Variants in RASIP1 observed in about 807,000 individuals in gnomAD.
The protein encoded by RASIP1 is ras-interacting protein 1.
A neutral mutation model predicts 85.3 loss-of-function variants in RASIP1; 20 were observed. The ratio of observed to expected loss-of-function variants is 0.23; its 90% CI spans 0.17 to 0.34. RASIP1 has a LOEUF of 0.34. Among genes scored for constraint, RASIP1 ranks in the 10% least tolerant of loss-of-function variants. The probability of loss-of-function intolerance (pLI) is 1.00; values close to 1 mark genes in which losing one functional copy is unlikely to be tolerated. For missense variants in RASIP1, 1,170 were observed against 1,390.9 expected (o/e 0.84, Z 2.53); for synonymous variants, 617 against 647.1 (o/e 0.95, Z 0.71).
rs2033628240 is a variant in RASIP1, at chr19:48,739,309, G to T, written c.474C>A (p.Gly158=). Residue 158 remains glycine, a synonymous_variant, in exon 3 of 12, where the codon GGC becomes GGA. Coordinates refer to ENST00000222145, the MANE Select transcript of RASIP1 (RefSeq NM_017805.3). This position sits in a 1 kb window ranked among gnomAD's most constrained non-coding sequence, Gnocchi z 9.2. ...LKIFGAGLAS[G]ANYKSVLATA... is the part of the protein sequence containing the mutation. ...TGGCCAGCACGCTCTTGTAGTTGGCGCCCGATGCCAGTCCGGCGCCGAAGA... is the reference window on the plus strand; with the variant it reads ...TGGCCAGCACGCTCTTGTAGTTGGCTCCCGATGCCAGTCCGGCGCCGAAGA... 2 of 1,398,010 alleles carry T rather than the reference G, an allele frequency of 1.4e-6. No individual in the cohort carries two copies. The highest frequency in any genetic ancestry group is 3.5e-5 in the Admixed American group (1 of 28,568). The allele number at this position is 1,398,010 out of a possible 1,614,324, so 86.6% of individuals were successfully genotyped here.
intron 11 of RASIP1, among the ~76,000 whole-genome samples, chr19:48,721,615 AC>A (rs2122409985): frequency 6.6e-6 from 1 of 152,292 alleles, no homozygotes; most frequent in South Asian, 2.1e-4. Flanking sequence ...AGCCTGGCCA[AC>A]ACGGTGAAAC....
At chr19:48,723,682 A>G (rs1322224668) in intron 10 of RASIP1, among the ~76,000 whole-genome samples, 1 of 152,110 alleles carries the variant, frequency 6.6e-6, no homozygotes, top group Admixed American at 6.6e-5. Flanking sequence ...GCATTAAACT[A>G]GAAGTGCTAA....
At chr19:48,728,503 CA>C (rs2033381866) in intron 5 of RASIP1, among the ~76,000 whole-genome samples, 1 of 152,176 alleles carries the variant, frequency 6.6e-6, no homozygotes, top group African/African-American at 2.4e-5. Flanking sequence ...TGGTGGCTCA[CA>C]CCTGTAATCC....
intron 4 of RASIP1, among the ~76,000 whole-genome samples, chr19:48,732,716 C>G (rs988514500): frequency 1.3e-5 from 2 of 152,118 alleles, no homozygotes; most frequent in African/African-American, 4.8e-5. Flanking sequence ...TATATGCAAT[C>G]CTCTTACTAC....
chr19:48,722,933 T>C (rs945310117), intron 10 of RASIP1, among the ~76,000 whole-genome samples: 1 of 152,234 alleles, frequency 6.6e-6, no homozygotes, highest in African/African-American at 2.4e-5. Context: ...TCACCCATGC[T>C]GGAGTACAGT....
At chr19:48,729,995 G>A (rs1247724150) in intron 4 of RASIP1, among the ~76,000 whole-genome samples, 2 of 151,974 alleles carry the variant, frequency 1.3e-5, no homozygotes, top group Admixed American at 6.6e-5. Flanking sequence ...GATTACAGGC[G>A]TGAACTATCG....
At chr19:48,737,649 C>A in intron 3 of RASIP1, 14 of 985,372 alleles carry the variant, frequency 1.4e-5, no homozygotes, top group Non-Finnish European at 1.6e-5. Flanking sequence ...GGTGTCGCCC[C>A]CTTCTATACT....
At chr19:48,722,110 T>TCTACAGTGCCCAGAAGACA in intron 10 of RASIP1, 109 bp from the exon 11 acceptor site, 1 of 1,095,070 alleles carries the variant, frequency 9.1e-7, no homozygotes, top group Non-Finnish European at 1.2e-6. Flanking sequence ...TAATGGCATC[T>TCTACAGTGCCCAGAAGACA]CTGCAGTGTC....
At chr19:48,726,412 GA>G (rs2033344245) in intron 8 of RASIP1, among the ~76,000 whole-genome samples, 1 of 152,110 alleles carries the variant, frequency 6.6e-6, no homozygotes, top group African/African-American at 2.4e-5. Flanking sequence ...TTTTAGTAGA[GA>G]TGGGGTTTCA....
intron 8 of RASIP1, among the ~76,000 whole-genome samples, chr19:48,726,221 G>A (rs1239634980): frequency 2.6e-5 from 4 of 151,932 alleles, no homozygotes; most frequent in African/African-American, 4.8e-5. Flanking sequence ...CACTGCATCC[G>A]GCGTTATATT....
chr19:48,724,260 G>T lies in RASIP1; in HGVS notation c.2544+77C>A. Reference sequence around the variant, plus strand: ...GGGGTTCAAGGGGAGCTCTGACGGTGAGCTGAATATAGAAGGTGGCTGAGG... The same window carrying T: ...GGGGTTCAAGGGGAGCTCTGACGGTTAGCTGAATATAGAAGGTGGCTGAGG... On this transcript the variant is annotated intron_variant, in intron 10 of 11. Transcript: ENST00000222145. The surrounding 1 kb of genome is among the most constrained non-coding windows in gnomAD (Gnocchi z 4.6). The T allele has an allele frequency of 1.4e-6, 2 of 1,478,640 alleles. No homozygotes were observed. The highest frequency in any genetic ancestry group is 1.8e-6 in the Non-Finnish European group (2 of 1,083,864). The allele number at this position is 1,478,640 out of a possible 1,614,324, so 91.6% of individuals were successfully genotyped here.
At chr19:48,730,742 T>G (rs1388598048) in intron 4 of RASIP1, among the ~76,000 whole-genome samples, 1 of 152,086 alleles carries the variant, frequency 6.6e-6, no homozygotes, top group Non-Finnish European at 1.5e-5. Flanking sequence ...GAGATTCCCT[T>G]GGACTGGGCA....
intron 4 of RASIP1, among the ~76,000 whole-genome samples, chr19:48,730,506 A>C (rs936376902): frequency 6.6e-6 from 1 of 152,004 alleles, no homozygotes; most frequent in Non-Finnish European, 1.5e-5. Context: ...CTTTCCCTCA[A>C]GCATTAGATG....
rs760276593 is a variant in RASIP1 at position 48,737,475 on chromosome 19, G to C, written c.823+1485C>G. The C allele has an allele frequency of 5.7e-5, 56 of 985,186 alleles. 1 individual carries two copies. In the Middle Eastern group the frequency reaches 2.1e-3, roughly 37 times the overall value. The allele number at this position is 985,186 out of a possible 1,614,324, so 61.0% of individuals were successfully genotyped here. On this transcript the variant is annotated intron_variant, in intron 3 of 11. Transcript: ENST00000222145. Reference sequence around the variant, plus strand: ...TACCTTCTGTTCCAGGCCTTCCTTCGCCTCTACAGTGATATCTTCCTTCAG... The same window carrying C: ...TACCTTCTGTTCCAGGCCTTCCTTCCCCTCTACAGTGATATCTTCCTTCAG...
intron 3 of RASIP1, chr19:48,737,742 A>C: frequency 2.0e-6 from 2 of 984,642 alleles, no homozygotes. Flanking sequence ...TGCTCACCAC[A>C]TGCCACCACT....
intron 5 of RASIP1, among the ~76,000 whole-genome samples, chr19:48,728,025 T>C (rs1240191749): frequency 1.3e-5 from 2 of 152,086 alleles, no homozygotes; most frequent in African/African-American, 4.8e-5. Flanking sequence ...TTTAGAATGG[T>C]CTCTCCTTAC....
At chr19:48,737,665 C>A in intron 3 of RASIP1, 2 of 985,396 alleles carry the variant, frequency 2.0e-6, no homozygotes, top group South Asian at 9.4e-5. Context: ...ATACTCCACC[C>A]ACATAGGCCC....
At chr19:48,722,761 C>G (rs950993023) in intron 10 of RASIP1, among the ~76,000 whole-genome samples, 1 of 152,298 alleles carries the variant, frequency 6.6e-6, no homozygotes, top group Non-Finnish European at 1.5e-5. Context: ...TCACCGTCCC[C>G]TAGTCTCCTC....
At position 48,729,102 on chromosome 19, in the gene RASIP1, C is replaced by T; in HGVS notation, c.1668G>A (p.Leu556=). The T allele has an allele frequency of 7.3e-7, 1 of 1,372,898 alleles. No individual in the cohort carries two copies. The highest frequency in any genetic ancestry group is 9.3e-7 in the Non-Finnish European group (1 of 1,070,408). 85.0% of individuals were successfully genotyped at this position (1,372,898 alleles called of 1,614,324 possible). ...RFRPREEEAL[L]GEIVRAAAAG... ...CGGCTGCGGCGCGCACGATCTCGCC[C>T]AGCAGCGCCTCCTCCTCGCGCGGCC... Residue 556 remains leucine (L), a synonymous_variant, in exon 5 of 12, where the codon CTG becomes CTA. Coordinates refer to ENST00000222145, the MANE Select transcript of RASIP1 (RefSeq NM_017805.3).
Sources: gnomAD v4.1 joint callset for allele counts (sites outside exome capture counted in the v4.1 genomes callset) on GRCh38, gnomAD v4.1.1 for gene constraint, Gnocchi (gnomAD v3.1) non-coding constraint, MANE v1.5 for transcripts, NCBI Gene and HGNC (gene_info 2026-07-23, HGNC 2026-07-21) for gene names.